CNTN5: variants seen among roughly 807,000 people sequenced by gnomAD.
CNTN5 encodes contactin 5, also known as contactin-5.
In CNTN5, 77 loss-of-function variants were observed where a neutral mutation model predicts 129.1. That is an observed-to-expected ratio of 0.60 (90% CI 0.50 to 0.72). The LOEUF (loss-of-function observed/expected upper bound fraction) is 0.72. Among genes scored for constraint, CNTN5 ranks in the 30% least tolerant of loss-of-function variants. The probability of loss-of-function intolerance (pLI) is 0.00; values close to 1 mark genes in which losing one functional copy is unlikely to be tolerated. For synonymous variants in CNTN5, 509 were observed against 465.6 expected (o/e 1.09, Z -1.20); for missense variants, 1,478 against 1,328.8 (o/e 1.11, Z -1.75).
At chr11:99,040,129 C>T (rs1863929801) in intron 1 of CNTN5, among the ~76,000 whole-genome samples, 1 of 151,980 alleles carries the variant, frequency 6.6e-6, no homozygotes, top group South Asian at 2.1e-4. Context: ...GCCAAGGTAC[C>T]TCCAAGAAGA....
At chr11:99,446,963 A>G (rs1235044725) in intron 2 of CNTN5, among the ~76,000 whole-genome samples, 2 of 152,100 alleles carry the variant, frequency 1.3e-5, no homozygotes, top group East Asian at 3.9e-4. Context: ...TTGTATTTAT[A>G]AGCTTTTTCA....
intron 3 of CNTN5, among the ~76,000 whole-genome samples, chr11:99,784,370 C>T (rs1046171068): frequency 6.6e-6 from 1 of 151,760 alleles, no homozygotes; most frequent in African/African-American, 2.4e-5. Flanking sequence ...TCATTTTTCA[C>T]CTCCCATTTA....
chr11:99,850,544 A>C (rs528547152), intron 6 of CNTN5, among the ~76,000 whole-genome samples: 5 of 152,302 alleles, frequency 3.3e-5, no homozygotes, highest in Non-Finnish European at 7.4e-5. Flanking sequence ...ACAAATATGA[A>C]ATAGCAAATG....
At chr11:100,331,054 T>A (rs1487652042) in intron 21 of CNTN5, among the ~76,000 whole-genome samples, 1 of 152,106 alleles carries the variant, frequency 6.6e-6, no homozygotes, top group East Asian at 1.9e-4. Context: ...TAGATAAAAA[T>A]TCACCAACTA....
intron 1 of CNTN5, among the ~76,000 whole-genome samples, chr11:99,235,875 T>G (rs886770934): frequency 3.3e-5 from 5 of 152,184 alleles, no homozygotes; most frequent in African/African-American, 1.2e-4. Flanking sequence ...AAATTAGGAT[T>G]GGGTTTTATC....
intron 3 of CNTN5, among the ~76,000 whole-genome samples, chr11:99,618,770 T>C (rs1950838943): frequency 6.6e-6 from 1 of 152,202 alleles, no homozygotes. Flanking sequence ...ATTTGGGTTT[T>C]CTAATTTTCC....
rs539630386 is a variant in CNTN5 at position 99,875,617 on chromosome 11, C to T, written c.577+30355C>T. 3.9e-5 allele frequency among the ~76,000 whole-genome samples: 6 copies of T among 152,190 alleles called. No individual in the cohort carries two copies. The South Asian group carries it at 8.3e-4, about 21-fold the overall frequency. Reference sequence around the variant, plus strand: ...GAAAACTTCAGCTTCCTCAGATATACCTCCCTAATCTCTCATATTATTTTG... The same window carrying T: ...GAAAACTTCAGCTTCCTCAGATATATCTCCCTAATCTCTCATATTATTTTG... On this transcript the variant is annotated intron_variant, in intron 6 of 24. Transcript: ENST00000524871.
At chr11:99,430,975 T>A (rs374869546) in intron 2 of CNTN5, among the ~76,000 whole-genome samples, 60 of 149,036 alleles carry the variant, frequency 4.0e-4, no homozygotes, top group African/African-American at 1.4e-3. Flanking sequence ...CAAAAAAAAA[T>A]TTTTGGATCC....
intron 1 of CNTN5, among the ~76,000 whole-genome samples, chr11:99,038,068 A>G (rs1299051348): frequency 6.6e-6 from 1 of 152,154 alleles, no homozygotes; most frequent in Non-Finnish European, 1.5e-5. Context: ...TGCTTTAAAG[A>G]GGCCAACATT....
At chr11:99,420,709 G>A (rs1942849705) in intron 2 of CNTN5, among the ~76,000 whole-genome samples, 1 of 152,172 alleles carries the variant, frequency 6.6e-6, no homozygotes, top group Non-Finnish European at 1.5e-5. Flanking sequence ...GTCAATCAAA[G>A]GCAGCTGAAA....
chr11:99,737,130 T>G (rs1450100894), intron 3 of CNTN5, among the ~76,000 whole-genome samples: 1 of 150,736 alleles, frequency 6.6e-6, no homozygotes, highest in Non-Finnish European at 1.5e-5. Flanking sequence ...GTAACACACA[T>G]GCACACACAC....
intron 1 of CNTN5, among the ~76,000 whole-genome samples, chr11:99,048,378 G>T (rs115577747): frequency 7.9e-5 from 12 of 151,966 alleles, no homozygotes; most frequent in Non-Finnish European, 1.8e-4. Context: ...AAAACAAAAA[G>T]CACATTAATC....
At chr11:99,797,270 T>C (rs994010603) in intron 3 of CNTN5, among the ~76,000 whole-genome samples, 48 of 152,264 alleles carry the variant, frequency 3.2e-4, no homozygotes, top group African/African-American at 1.1e-3. Flanking sequence ...ATGTATCCAG[T>C]AATGGGACTG....
chr11:99,717,323 C>A (rs1201214289), intron 3 of CNTN5, among the ~76,000 whole-genome samples: 1 of 151,926 alleles, frequency 6.6e-6, no homozygotes, highest in African/African-American at 2.4e-5. Flanking sequence ...TAATAATGAT[C>A]ACAGACACAT....
intron 16 of CNTN5, among the ~76,000 whole-genome samples, chr11:100,254,288 A>G (rs577610635): frequency 1.3e-5 from 2 of 152,182 alleles, no homozygotes; most frequent in Non-Finnish European, 2.9e-5. Flanking sequence ...CCAGCCCCCA[A>G]TCTAATTTCC....
At chr11:99,293,254 C>T (rs1864244742) in intron 1 of CNTN5, among the ~76,000 whole-genome samples, 1 of 152,074 alleles carries the variant, frequency 6.6e-6, no homozygotes, top group South Asian at 2.1e-4. Context: ...TATGTAAAAC[C>T]TATCTTGCAT....
At chr11:99,086,219 G>T (rs550286352) in intron 1 of CNTN5, among the ~76,000 whole-genome samples, 1 of 152,352 alleles carries the variant, frequency 6.6e-6, no homozygotes, top group Admixed American at 6.5e-5. Flanking sequence ...CAAATGCAAA[G>T]TGGAAGCCAG....
At chr11:99,795,089 A>G (rs1945885348) in intron 3 of CNTN5, among the ~76,000 whole-genome samples, 1 of 152,132 alleles carries the variant, frequency 6.6e-6, no homozygotes, top group Non-Finnish European at 1.5e-5. Context: ...TCTATACATA[A>G]TCCCATATTT....
At chr11:100,024,394 A>G (rs1041800311) in intron 9 of CNTN5, among the ~76,000 whole-genome samples, 3 of 152,192 alleles carry the variant, frequency 2.0e-5, no homozygotes, top group African/African-American at 7.2e-5. Flanking sequence ...GCAGTTCTTC[A>G]TAGCTGTATG....
Sources: allele counts gnomAD v4.1 joint callset (sites outside exome capture counted in the v4.1 genomes callset), GRCh38; gene constraint gnomAD v4.1.1; transcripts MANE v1.5; gene names NCBI Gene and HGNC (gene_info 2026-07-23, HGNC 2026-07-21).